The following UPRT variants were observed in gnomAD, a reference collection of about 807,000 sequenced individuals.
The protein encoded by UPRT is RP11-311P8.3.
In UPRT, 5 loss-of-function variants were observed where a neutral mutation model predicts 22.6. That is an observed-to-expected ratio of 0.22 (90% CI 0.12 to 0.47). The LOEUF is 0.47. Among genes scored for constraint, UPRT ranks in the 20% least tolerant of loss-of-function variants. The pLI, the probability that UPRT is intolerant of heterozygous loss-of-function variation, is 0.99. For missense variants in UPRT, 181 were observed against 239.9 expected (o/e 0.75, Z 1.62); for synonymous variants, 77 against 87.7 (o/e 0.88, Z 0.68).
At chrX:75,204,951 T>A (rs959263236) in intron 4 of UPRT, among the ~76,000 whole-genome samples, 2 of 109,616 alleles carry the variant, frequency 1.8e-5, no homozygotes, top group African/African-American at 6.7e-5. Flanking sequence ...AAAAAGGAGA[T>A]TTGAGTAGGA....
intron 4 of UPRT, among the ~76,000 whole-genome samples, chrX:75,223,618 G>A (rs1436911414): frequency 2.7e-5 from 3 of 111,387 alleles, no homozygotes; most frequent in Non-Finnish European, 5.7e-5. Context: ...TCCACTGACA[G>A]GACAGAAGTA....
intron 4 of UPRT, among the ~76,000 whole-genome samples, chrX:75,194,459 C>A (rs2082326703): frequency 9.0e-6 from 1 of 111,448 alleles, no homozygotes; most frequent in South Asian, 3.8e-4. Context: ...ACAGAGGCAG[C>A]ACAGCAGGGT....
At chrX:75,251,421 GACAA>G (rs1385016881) in intron 4 of UPRT, among the ~76,000 whole-genome samples, 30 of 111,177 alleles carry the variant, frequency 2.7e-4, no homozygotes, top group African/African-American at 9.5e-4. Flanking sequence ...ACCAATAACA[GACAA>G]ACAGAGACCC....
chrX:75,247,561 C>A (rs2082511326), intron 4 of UPRT, among the ~76,000 whole-genome samples: 1 of 112,387 alleles, frequency 8.9e-6, no homozygotes, highest in South Asian at 3.7e-4. Context: ...CGAGGCTTGA[C>A]TAGGTAAACA....
upstream of UPRT, among the ~76,000 whole-genome samples, chrX:75,270,716 T>C (rs969103978): frequency 9.0e-6 from 1 of 110,635 alleles, no homozygotes; most frequent in Non-Finnish European, 1.9e-5. Flanking sequence ...TGAGAACACA[T>C]AGATACACGG....
chrX:75,274,778 GTGT>G (rs2082624936), intron 1 of UPRT, 138 bp downstream of exon 1: 12 of 12,617 alleles, frequency 9.5e-4, no homozygotes, highest in African/African-American at 1.2e-3. Flanking sequence ...TTTATTTGGT[GTGT>G]GTGTGTGTGT....
intron 4 of UPRT, among the ~76,000 whole-genome samples, chrX:75,195,592 GGGT>G (rs2082330587): frequency 8.9e-6 from 1 of 112,035 alleles, no homozygotes; most frequent in Non-Finnish European, 1.9e-5. Flanking sequence ...GAAGGTCGTG[GGGT>G]CTCCTGCTGC....
chrX:75,199,736 TA>T (rs960253700), intron 4 of UPRT, among the ~76,000 whole-genome samples: 8 of 111,518 alleles, frequency 7.2e-5, no homozygotes, highest in Admixed American at 9.5e-5. Context: ...CGCAATTCTT[TA>T]AAAAAAATTT....
intron 4 of UPRT, among the ~76,000 whole-genome samples, chrX:75,175,417 C>G (rs1298698072): frequency 8.9e-6 from 1 of 112,206 alleles, no homozygotes; most frequent in African/African-American, 3.2e-5. Flanking sequence ...ACAGGCTGTC[C>G]TAGGATTCCT....
intron 4 of UPRT, among the ~76,000 whole-genome samples, chrX:75,183,994 G>A (rs1308873029): frequency 4.5e-5 from 5 of 112,147 alleles, no homozygotes; most frequent in African/African-American, 1.6e-4. Context: ...TCTGATGGTA[G>A]TTTCTTTTGC....
At chrX:75,217,028 C>T (rs1391505458) in intron 4 of UPRT, among the ~76,000 whole-genome samples, 1 of 111,909 alleles carries the variant, frequency 8.9e-6, no homozygotes, top group Non-Finnish European at 1.9e-5. Context: ...TGCTGGGTTA[C>T]AGGCGTGAGC....
chrX:75,180,701 T>G (rs978606446), intron 4 of UPRT, among the ~76,000 whole-genome samples: 12 of 94,069 alleles, frequency 1.3e-4, no homozygotes, highest in East Asian at 3.3e-4. Flanking sequence ...TTTTGTTTTT[T>G]TTTTTTTTTT....
intron 4 of UPRT, among the ~76,000 whole-genome samples, chrX:75,208,477 T>C (rs900719818): frequency 1.8e-5 from 2 of 111,358 alleles, no homozygotes; most frequent in Non-Finnish European, 3.8e-5. Flanking sequence ...AAAAAGACTT[T>C]GGGAAGCTAG....
intron 1 of UPRT, among the ~76,000 whole-genome samples, chrX:75,292,628 A>T (rs1336387144): frequency 1.8e-5 from 2 of 111,884 alleles, no homozygotes; most frequent in Non-Finnish European, 3.8e-5. Flanking sequence ...TAGGTGGTCC[A>T]TAGATAGGCA....
At chrX:75,208,970 C>T (rs769767031) in intron 4 of UPRT, among the ~76,000 whole-genome samples, 5 of 111,534 alleles carry the variant, frequency 4.5e-5, no homozygotes, top group East Asian at 2.8e-4. Flanking sequence ...GTAGAATTGC[C>T]GGAGGCAAAT....
upstream of UPRT, among the ~76,000 whole-genome samples, chrX:75,270,266 A>T (rs1052192240): frequency 1.8e-5 from 2 of 111,768 alleles, no homozygotes; most frequent in Non-Finnish European, 3.8e-5. Context: ...CGGATGCTGG[A>T]GAGGATGTGG....
intron 4 of UPRT, among the ~76,000 whole-genome samples, chrX:75,245,697 A>C (rs1276062326): frequency 8.9e-6 from 1 of 111,953 alleles, no homozygotes; most frequent in Non-Finnish European, 1.9e-5. Flanking sequence ...AGGAACAAAA[A>C]CCCAAATACC....
intron 1 of UPRT, among the ~76,000 whole-genome samples, chrX:75,276,639 G>C (rs1426095114): frequency 9.0e-6 from 1 of 111,526 alleles, no homozygotes; most frequent in Non-Finnish European, 1.9e-5. Flanking sequence ...CCAGTAGATG[G>C]GTTCAGGGCT....
At chrX:75,217,338 G>C (rs1194418863) in intron 4 of UPRT, among the ~76,000 whole-genome samples, 3 of 111,525 alleles carry the variant, frequency 2.7e-5, no homozygotes, top group Non-Finnish European at 5.6e-5. Flanking sequence ...CCAATTCTGT[G>C]AAGAAAGTCA....
Sources: allele counts gnomAD v4.1 joint callset (sites outside exome capture counted in the v4.1 genomes callset), GRCh38; gene constraint gnomAD v4.1.1; transcripts MANE v1.5; gene names NCBI Gene and HGNC (gene_info 2026-07-23, HGNC 2026-07-21).